The following VPS37A variants were observed in gnomAD, a reference collection of about 807,000 sequenced individuals.
VPS37A encodes VPS37A subunit of ESCRT-I, also known as vacuolar protein sorting-associated protein 37A.
VPS37A carries 30 observed loss-of-function variants against 49.8 expected under a neutral mutation model. The observed-to-expected ratio is 0.60, with a 90% CI of 0.45 to 0.82. The LOEUF is 0.82. Among genes scored for constraint, VPS37A ranks in the 40% least tolerant of loss-of-function variants. The pLI is 0.00. For missense variants in VPS37A, 593 were observed against 464.4 expected (o/e 1.28, Z -2.55); for synonymous variants, 195 against 160.6 (o/e 1.21, Z -1.62).
chr8:17,312,546 G>A, the VPS37A span, among the ~76,000 whole-genome samples: 3 of 128,906 alleles, frequency 2.3e-5, no homozygotes, highest in East Asian at 2.4e-4. Flanking sequence ...CTGCACTCCA[G>A]CCTGGGTGAC....
chr8:17,278,421 C>G (rs1017077822), intron 6 of VPS37A, among the ~76,000 whole-genome samples: 1 of 152,044 alleles, frequency 6.6e-6, no homozygotes, highest in African/African-American at 2.4e-5. Flanking sequence ...ATACTTCATA[C>G]AGGACCAAGA....
chr8:17,271,967 C>T (rs1189990666), intron 4 of VPS37A: 2 of 455,810 alleles, frequency 4.4e-6, no homozygotes, highest in South Asian at 3.1e-5. Context: ...TCTTTAATTT[C>T]TCTCTCTTCT....
intron 4 of VPS37A, among the ~76,000 whole-genome samples, chr8:17,270,842 T>TC (rs2150382135): frequency 6.6e-6 from 1 of 152,312 alleles, no homozygotes; most frequent in South Asian, 2.1e-4. Context: ...AGGCTTGTGT[T>TC]CTTTCATCTA....
At position 17,296,922 on chromosome 8, in the gene VPS37A, C is replaced by CAAAT. The variant is rs1215158243; in HGVS notation, c.*1938_*1941dup. 1 of 152,064 alleles carries CAAAT rather than the reference C, an allele frequency of 6.6e-6. No homozygotes were observed. Among genetic ancestry groups the CAAAT allele is most frequent in the African/African-American group, 2.4e-5 (1 of 41,412 alleles). The allele number at this position is 152,064 out of a possible 1,614,324, so 9.4% of individuals were successfully genotyped here. On this transcript the variant is annotated 3_prime_UTR_variant, in exon 12 of 12. Transcript: ENST00000324849. Reference sequence around the variant, plus strand: ...AGTGTGATCAGTTATCTGCATTTAACAAATAGACAAATCAGTTTACATAAA... The same window carrying CAAAT: ...AGTGTGATCAGTTATCTGCATTTAACAAATAAATAGACAAATCAGTTTACATAAA...
chr8:17,264,900 A>G (rs1046736111), intron 1 of VPS37A, among the ~76,000 whole-genome samples: 2 of 152,194 alleles, frequency 1.3e-5, no homozygotes, highest in Non-Finnish European at 2.9e-5. Context: ...TATAGTTGTA[A>G]TAATATATGC....
chr8:17,315,621 C>T, the VPS37A span, among the ~76,000 whole-genome samples: 1 of 152,122 alleles, frequency 6.6e-6, no homozygotes, highest in Admixed American at 6.6e-5. Flanking sequence ...GAATCTAAAA[C>T]TGCTCTTAAA....
chr8:17,302,549 G>C (rs1210363456), downstream of VPS37A: 2 of 313,966 alleles, frequency 6.4e-6, no homozygotes, highest in African/African-American at 2.1e-5. Flanking sequence ...AATTAAAATA[G>C]TACATGTAAC....
At chr8:17,300,545 A>G (rs1333562909), downstream of VPS37A, among the ~76,000 whole-genome samples, 1 of 152,238 alleles carries the variant, frequency 6.6e-6, no homozygotes. Flanking sequence ...GTCTCATCCC[A>G]TGAACTCAAA....
At chr8:17,332,842 G>T in the VPS37A span, among the ~76,000 whole-genome samples, 1 of 152,026 alleles carries the variant, frequency 6.6e-6, no homozygotes, top group Non-Finnish European at 1.5e-5. Flanking sequence ...AAGTTTTTGC[G>T]TGTTTATCAA....
At chr8:17,248,749 A>T (rs1010699666) in intron 1 of VPS37A, among the ~76,000 whole-genome samples, 12 of 152,218 alleles carry the variant, frequency 7.9e-5, no homozygotes, top group Non-Finnish European at 1.2e-4. Flanking sequence ...ACTGAACTTT[A>T]GGTGTTTCTT....
chr8:17,329,895 A>T, the VPS37A span, among the ~76,000 whole-genome samples: 2 of 152,190 alleles, frequency 1.3e-5, no homozygotes, highest in African/African-American at 4.8e-5. Context: ...ACTGACTGCC[A>T]ATTATGTACA....
the VPS37A span, among the ~76,000 whole-genome samples, chr8:17,328,325 A>T: frequency 6.6e-6 from 1 of 152,094 alleles, no homozygotes; most frequent in African/African-American, 2.4e-5. Flanking sequence ...CCTCCCCAAC[A>T]CCCAGGATGC....
rs117744731 is a variant in VPS37A, at chr8:17,254,588, T to C, written c.125+7219T>C. Among the ~76,000 whole-genome samples the C allele has an allele frequency of 7.3e-3, 1,110 of 152,284 alleles. 10 individuals are homozygous for C. Among genetic ancestry groups the C allele is most frequent in the Middle Eastern group, 0.031 (9 of 294 alleles). ...TGCTCCAAACTTTATATTGGACTTATGTTTTGGATTGTGATTTTTTTCCTT... is the reference window on the plus strand; with the variant it reads ...TGCTCCAAACTTTATATTGGACTTACGTTTTGGATTGTGATTTTTTTCCTT... On this transcript the variant is annotated intron_variant, in intron 1 of 11. Coordinates refer to ENST00000324849, the MANE Select transcript of VPS37A (RefSeq NM_152415.3).
intron 1 of VPS37A, among the ~76,000 whole-genome samples, chr8:17,263,480 G>T (rs1813152550): frequency 6.6e-6 from 1 of 151,936 alleles, no homozygotes; most frequent in South Asian, 2.1e-4. Context: ...AATATTATAA[G>T]TATCACCTTC....
chr8:17,314,429 T>C, the VPS37A span, among the ~76,000 whole-genome samples: 184 of 152,290 alleles, frequency 1.2e-3, 7 homozygotes, highest in East Asian at 0.033. Flanking sequence ...ATTTTTAAAA[T>C]GGGGAAGGTG....
rs1811363130 is a variant in VPS37A, at chr8:17,247,437, C to T, written c.125+68C>T. The T allele has an allele frequency of 6.0e-6, 9 of 1,512,146 alleles. No homozygotes were observed. In the South Asian group the frequency reaches 1.1e-4, roughly 19 times the overall value. The allele number at this position is 1,512,146 out of a possible 1,614,324, so 93.7% of individuals were successfully genotyped here. A position where few individuals can be genotyped will look rare whatever the true frequency, so the allele number is the denominator to read the frequency against. On this transcript the variant is annotated intron_variant, in intron 1 of 11. Coordinates refer to ENST00000324849, the MANE Select transcript of VPS37A (RefSeq NM_152415.3). ...GGAGGGCGGGCTTGTCCTAACCACC[C>T]TCACAGCGCCTCAGTCTGCTCCCCA...
chr8:17,251,963 G>A (rs1812021532), intron 1 of VPS37A, among the ~76,000 whole-genome samples: 1 of 152,060 alleles, frequency 6.6e-6, no homozygotes. Context: ...GGGATTCTGA[G>A]TAAGCTTAAA....
chr8:17,316,296 TTA>T, the VPS37A span, among the ~76,000 whole-genome samples: 3 of 151,974 alleles, frequency 2.0e-5, no homozygotes, highest in East Asian at 5.8e-4. Context: ...TACATATATA[TTA>T]TAGTCTGCAA....
At chr8:17,292,522 T>C (rs1209895372) in intron 11 of VPS37A, among the ~76,000 whole-genome samples, 1 of 152,230 alleles carries the variant, frequency 6.6e-6, no homozygotes. Flanking sequence ...CTGGTTATTT[T>C]GCCCATTAGT....
Sources: allele counts gnomAD v4.1 joint callset (sites outside exome capture counted in the v4.1 genomes callset), GRCh38; gene constraint gnomAD v4.1.1; transcripts MANE v1.5; gene names NCBI Gene and HGNC (gene_info 2026-07-23, HGNC 2026-07-21).